LDLRAD3: variants seen among roughly 807,000 people sequenced by gnomAD.
LDLRAD3 encodes the protein low-density lipoprotein receptor class A domain-containing protein 3.
A neutral mutation model predicts 29.4 loss-of-function variants in LDLRAD3; 20 were observed. That is an observed-to-expected ratio of 0.68 (90% CI 0.48 to 0.99). The LOEUF is 0.99. LDLRAD3 is among the 50% of genes least tolerant of loss of function. The probability of loss-of-function intolerance (pLI) is 0.00; values close to 1 mark genes in which losing one functional copy is unlikely to be tolerated. For synonymous variants in LDLRAD3, 157 were observed against 192.7 expected, an observed-to-expected ratio of 0.81 and a Z score of 1.53; for missense variants, 420 against 454.3, an observed-to-expected ratio of 0.92 and a Z score of 0.69.
At chr11:36,060,159 C>T (rs1405257832) in intron 2 of LDLRAD3, among the ~76,000 whole-genome samples, 2 of 152,018 alleles carry the variant, frequency 1.3e-5, no homozygotes, top group African/African-American at 2.4e-5. Context: ...TTGAGACCAT[C>T]CTGGGTAACA....
chr11:36,054,970 CATGG>C (rs147422335), intron 2 of LDLRAD3, among the ~76,000 whole-genome samples: 44,077 of 86,346 alleles, frequency 0.51, 9,302 homozygotes, highest in African/African-American at 0.55. Flanking sequence ...TGGATGGATG[CATGG>C]ATGGATGGAT....
intron 1 of LDLRAD3, among the ~76,000 whole-genome samples, chr11:35,953,806 G>A (rs1222487616): frequency 2.6e-5 from 4 of 152,164 alleles, no homozygotes; most frequent in African/African-American, 7.2e-5. Flanking sequence ...AATGGTTAAT[G>A]CTAAGAGAAA....
chr11:36,042,105 C>T (rs544913779), intron 2 of LDLRAD3, among the ~76,000 whole-genome samples: 1 of 152,098 alleles, frequency 6.6e-6, no homozygotes, highest in African/African-American at 2.4e-5. Context: ...ATGATCACCA[C>T]GAAATATAAG....
At chr11:36,184,676 G>T (rs1258966139) in intron 4 of LDLRAD3, among the ~76,000 whole-genome samples, 1 of 152,150 alleles carries the variant, frequency 6.6e-6, no homozygotes, top group Admixed American at 6.5e-5. Flanking sequence ...GCAAGGCCAA[G>T]GTATACAATC....
rs550001093 is a variant in LDLRAD3 at position 36,166,149 on chromosome 11, C to T, written c.455-60936C>T. On this transcript the variant is annotated intron_variant, in intron 4 of 5. Coordinates refer to ENST00000315571, the MANE Select transcript of LDLRAD3 (RefSeq NM_174902.4). ...CTGAACATGATTTATAGTTGTTTGGCAGAAGGTCAAAATCTGATTCCATAG... is the reference window on the plus strand; with the variant it reads ...CTGAACATGATTTATAGTTGTTTGGTAGAAGGTCAAAATCTGATTCCATAG... 2.4e-4 allele frequency among the ~76,000 whole-genome samples: 36 copies of T among 152,234 alleles called. 1 individual carries two copies. The South Asian group carries it at 7.5e-3, about 32-fold the overall frequency.
intron 1 of LDLRAD3, among the ~76,000 whole-genome samples, chr11:36,007,553 T>C (rs1003085254): frequency 6.6e-6 from 1 of 152,190 alleles, no homozygotes; most frequent in African/African-American, 2.4e-5. Context: ...TCCTGAGGCT[T>C]GCCTGAGTGT....
At chr11:36,077,772 G>A (rs1853039436) in intron 2 of LDLRAD3, among the ~76,000 whole-genome samples, 1 of 152,180 alleles carries the variant, frequency 6.6e-6, no homozygotes, top group South Asian at 2.1e-4. Context: ...CTAGGTCTGG[G>A]CTCCCCAAAG....
At chr11:35,962,647 C>T (rs1197638289) in intron 1 of LDLRAD3, among the ~76,000 whole-genome samples, 1 of 152,188 alleles carries the variant, frequency 6.6e-6, no homozygotes, top group Non-Finnish European at 1.5e-5. Context: ...AATGCCCTTT[C>T]TCTAAGCATA....
intron 1 of LDLRAD3, among the ~76,000 whole-genome samples, chr11:36,002,674 G>A (rs1159769581): frequency 6.6e-6 from 1 of 152,118 alleles, no homozygotes; most frequent in Non-Finnish European, 1.5e-5. Context: ...GAGTGTCATC[G>A]AACTGGACAA....
chr11:35,956,219 G>T (rs1206950624), intron 1 of LDLRAD3, among the ~76,000 whole-genome samples: 4 of 152,112 alleles, frequency 2.6e-5, no homozygotes, highest in Non-Finnish European at 2.9e-5. Flanking sequence ...GGGTATGGTG[G>T]CTCATGCCTG....
chr11:36,106,032 C>T lies in LDLRAD3; in HGVS notation c.454+7571C>T, dbSNP rs1309108353. Among the ~76,000 whole-genome samples, 3 of 152,268 alleles carry T rather than the reference C, an allele frequency of 2.0e-5. No homozygotes were observed. In the East Asian group the frequency reaches 5.8e-4, roughly 29 times the overall value. On this transcript the variant is annotated intron_variant, in intron 4 of 5. Coordinates refer to ENST00000315571, the MANE Select transcript of LDLRAD3 (RefSeq NM_174902.4). Reference sequence around the variant, plus strand: ...CAAGGGAGACTGGAAGTGCTGGATGCTGTGTGGGAACTGGACAGTTGCCGG... The same window carrying T: ...CAAGGGAGACTGGAAGTGCTGGATGTTGTGTGGGAACTGGACAGTTGCCGG...
Position 36,094,308 on chromosome 11 carries a change from C to T in LDLRAD3, c.320-4019C>T, listed in dbSNP as rs77147030. On this transcript the variant is annotated intron_variant, in intron 3 of 5. Coordinates refer to ENST00000315571, the MANE Select transcript of LDLRAD3 (RefSeq NM_174902.4). ...GTTTTGCCTAGCACCAGTTTTTGTA[C>T]ATAAAATTGTATGCATACATAGTAT... Among the ~76,000 whole-genome samples, 439 of 152,290 alleles carry T rather than the reference C, an allele frequency of 2.9e-3. 2 individuals are homozygous for T. Among genetic ancestry groups the T allele is most frequent in the African/African-American group, 0.01 (431 of 41,568 alleles).
At chr11:36,205,917 C>T (rs1590355410) in intron 4 of LDLRAD3, among the ~76,000 whole-genome samples, 1 of 152,288 alleles carries the variant, frequency 6.6e-6, no homozygotes, top group East Asian at 1.9e-4. Context: ...AGTTCCTGCT[C>T]CCTGGGTCTC....
chr11:35,948,577 C>G (rs186273697), intron 1 of LDLRAD3, among the ~76,000 whole-genome samples: 2 of 152,304 alleles, frequency 1.3e-5, no homozygotes, highest in Admixed American at 1.3e-4. Context: ...GCTGGGAGAG[C>G]AGCCAGGTAC....
intron 2 of LDLRAD3, among the ~76,000 whole-genome samples, chr11:36,059,081 T>C (rs1013788214): frequency 6.6e-6 from 1 of 152,106 alleles, no homozygotes; most frequent in Non-Finnish European, 1.5e-5. Flanking sequence ...AAAGGATAAA[T>C]CAGGCCAGGT....
rs537522724 is a variant in LDLRAD3, at chr11:36,229,336, C to T, written c.977C>T (p.Pro326Leu). The change falls in exon 6 of 6, where the codon CCC becomes CTC. Residue 326 changes from proline to leucine, a missense_variant. By Grantham distance (98) the Pro-to-Leu change is moderately conservative. Around this residue, in one of 3 missense-constraint regions of LDLRAD3, gnomAD observed 140 missense variants for 139.9 expected, o/e 1.00. Transcript: ENST00000315571. ...AGCCACAGCCCGGGGCAGCCTGGCC[C>T]CCAGGAGGGCACTGCTGAGCCCAGG... Reference protein sequence around the residue: ...DTSHSPGQPGPQEGTAEPRDS... With the variant: ...DTSHSPGQPGLQEGTAEPRDS... 6.9e-5 allele frequency: 111 copies of T among 1,614,074 alleles called. No individual in the cohort carries two copies. In the African/African-American group the frequency reaches 1.2e-3, roughly 18 times the overall value.
intron 4 of LDLRAD3, among the ~76,000 whole-genome samples, chr11:36,191,681 T>C (rs1258605565): frequency 6.6e-6 from 1 of 150,578 alleles, no homozygotes; most frequent in African/African-American, 2.4e-5. Context: ...TTGAATTCGT[T>C]GAGAAGAGAT....
intron 1 of LDLRAD3, among the ~76,000 whole-genome samples, chr11:35,990,931 C>T (rs1359469127): frequency 6.6e-6 from 1 of 152,180 alleles, no homozygotes; most frequent in African/African-American, 2.4e-5. Context: ...CAGTGCTAAC[C>T]TCAGTAACAT....
At chr11:36,142,999 T>A (rs1854108995) in intron 4 of LDLRAD3, among the ~76,000 whole-genome samples, 1 of 152,228 alleles carries the variant, frequency 6.6e-6, no homozygotes, top group Non-Finnish European at 1.5e-5. Context: ...AACCTTTTCA[T>A]TAATATACAT....
Sources: gnomAD v4.1 joint callset for allele counts (sites outside exome capture counted in the v4.1 genomes callset) on GRCh38, gnomAD v4.1.1 for gene constraint, gnomAD v4.1.1 regional missense constraint, MANE v1.5 for transcripts, NCBI Gene and HGNC (gene_info 2026-07-23, HGNC 2026-07-21) for gene names.